Variants in CADM2 observed in about 807,000 individuals in gnomAD.
CADM2 encodes cell adhesion molecule 2, also known as immunoglobulin superfamily member 4D.
CADM2 carries 12 observed loss-of-function variants against 49.8 expected under a neutral mutation model. The ratio of observed to expected loss-of-function variants is 0.24; its 90% CI spans 0.15 to 0.39. The LOEUF (loss-of-function observed/expected upper bound fraction) is 0.39, where lower values mean the gene tolerates loss of function less well. Ranked by LOEUF, CADM2 falls within the 10% of genes least tolerant of loss-of-function variation. The probability of loss-of-function intolerance (pLI) is 1.00; values close to 1 mark genes in which losing one functional copy is unlikely to be tolerated. For synonymous variants in CADM2, 214 were observed against 175.4 expected (o/e 1.22, Z -1.74); for missense variants, 378 against 492.3 (o/e 0.77, Z 2.20).
intron 1 of CADM2, among the ~76,000 whole-genome samples, chr3:85,427,160 CTATATATATATATATATATA>C (rs35485915): frequency 0.46 from 52,955 of 113,932 alleles, 12,383 homozygotes; most frequent in East Asian, 0.73. Flanking sequence ...TGTATTGGAA[CTATATATATATATATATATA>C]TATATATATA....
intron 1 of CADM2, among the ~76,000 whole-genome samples, chr3:85,254,221 A>G (rs1158720404): frequency 6.6e-6 from 1 of 152,106 alleles, no homozygotes; most frequent in South Asian, 2.1e-4. Context: ...GAACAATCAG[A>G]TGGAAGAGAT....
At chr3:85,897,050 A>C (rs1715307017) in intron 5 of CADM2, among the ~76,000 whole-genome samples, 1 of 152,076 alleles carries the variant, frequency 6.6e-6, no homozygotes, top group South Asian at 2.1e-4. Context: ...ACTAATAAGC[A>C]AAGCATTAAT....
At chr3:85,598,097 T>G (rs1042627515) in intron 1 of CADM2, among the ~76,000 whole-genome samples, 6 of 152,006 alleles carry the variant, frequency 3.9e-5, no homozygotes, top group Non-Finnish European at 7.4e-5. Flanking sequence ...TCAGGAGACT[T>G]CAGACCGACA....
rs919094798 is a variant in CADM2, at chr3:85,584,541, A to G, written c.62-141981A>G. Among the ~76,000 whole-genome samples the G allele has an allele frequency of 2.4e-4, 37 of 152,088 alleles. 1 individual carries two copies. Among genetic ancestry groups the G allele is most frequent in the Non-Finnish European group, 7.4e-5 (5 of 68,012 alleles). ...GATAATTAAATTTCCCAAGTTTCCT[A>G]AAGATGTGACATTTAAGTTGCTACA... On this transcript the variant is annotated intron_variant, in intron 1 of 9. Coordinates refer to ENST00000383699, the MANE Select transcript of CADM2 (RefSeq NM_001167675.2).
chr3:85,367,833 ATGTGTG>A (rs10547677), intron 1 of CADM2, among the ~76,000 whole-genome samples: 26 of 148,078 alleles, frequency 1.8e-4, no homozygotes, highest in South Asian at 8.6e-4. Context: ...ATACATATAT[ATGTGTG>A]TGTGTGTGTG....
At chr3:86,024,662 C>A (rs916274086) in intron 8 of CADM2, among the ~76,000 whole-genome samples, 1 of 152,074 alleles carries the variant, frequency 6.6e-6, no homozygotes, top group Non-Finnish European at 1.5e-5. Flanking sequence ...TTACCAGATA[C>A]CAGCAAAACT....
At chr3:86,050,664 T>C (rs535598184) in intron 8 of CADM2, among the ~76,000 whole-genome samples, 1 of 152,326 alleles carries the variant, frequency 6.6e-6, no homozygotes, top group South Asian at 2.1e-4. Flanking sequence ...TTGCCCTCTG[T>C]GCACCTACAG....
chr3:85,397,809 G>T (rs571333792), intron 1 of CADM2, among the ~76,000 whole-genome samples: 1 of 152,198 alleles, frequency 6.6e-6, no homozygotes, highest in South Asian at 2.1e-4. Context: ...AATGGATAGT[G>T]GTGATGGTTT....
intron 1 of CADM2, among the ~76,000 whole-genome samples, chr3:85,555,998 TG>T (rs1003325058): frequency 1.3e-5 from 2 of 152,122 alleles, no homozygotes; most frequent in African/African-American, 4.8e-5. Flanking sequence ...TATGTAAAAT[TG>T]GCCCTTGAAG....
At chr3:85,398,922 A>T (rs181519322) in intron 1 of CADM2, among the ~76,000 whole-genome samples, 17 of 152,148 alleles carry the variant, frequency 1.1e-4, no homozygotes, top group African/African-American at 4.1e-4. Context: ...AGATGAGTAG[A>T]TTGCAAAAAT....
chr3:85,046,417 C>T (rs1376186718), intron 1 of CADM2, among the ~76,000 whole-genome samples: 3 of 150,776 alleles, frequency 2.0e-5, no homozygotes, highest in Non-Finnish European at 2.9e-5. Flanking sequence ...CAAAATCCCA[C>T]GGGGTCAATT....
chr3:85,139,352 A>G (rs1227647707), intron 1 of CADM2, among the ~76,000 whole-genome samples: 1 of 152,170 alleles, frequency 6.6e-6, no homozygotes, highest in African/African-American at 2.4e-5. Context: ...ATATCATTTG[A>G]GACAAAATAA....
chr3:85,392,624 C>T (rs1183414725), intron 1 of CADM2, among the ~76,000 whole-genome samples: 2 of 152,018 alleles, frequency 1.3e-5, no homozygotes, highest in Non-Finnish European at 2.9e-5. Flanking sequence ...GCACTCCCAG[C>T]CCCTTCAAGT....
chr3:85,021,651 T>G (rs1029539276), intron 1 of CADM2, among the ~76,000 whole-genome samples: 3 of 152,012 alleles, frequency 2.0e-5, no homozygotes, highest in Admixed American at 6.6e-5. Flanking sequence ...GGTGGGTGCT[T>G]GTAATCCCAG....
intron 8 of CADM2, among the ~76,000 whole-genome samples, chr3:85,978,944 A>C (rs1243125314): frequency 6.6e-6 from 1 of 151,448 alleles, no homozygotes; most frequent in Admixed American, 6.6e-5. Context: ...TAACCTGCTT[A>C]CTCTCAAACA....
At chr3:85,959,094 T>A (rs1403472329) in intron 7 of CADM2, among the ~76,000 whole-genome samples, 1 of 150,588 alleles carries the variant, frequency 6.6e-6, no homozygotes, top group Non-Finnish European at 1.5e-5. Context: ...ATCTATATCT[T>A]TATATCTGTA....
chr3:85,174,776 G>A (rs1178983607), intron 1 of CADM2, among the ~76,000 whole-genome samples: 3 of 152,010 alleles, frequency 2.0e-5, no homozygotes, highest in Non-Finnish European at 4.4e-5. Context: ...AAAGGAAAGG[G>A]GAAGATAGAA....
intron 1 of CADM2, among the ~76,000 whole-genome samples, chr3:85,040,305 G>A (rs1006075916): frequency 3.9e-5 from 6 of 152,084 alleles, no homozygotes; most frequent in African/African-American, 1.2e-4. Context: ...TAAATATGCC[G>A]TACTTGGAAG....
In CADM2 at chr3:86,073,370, A is replaced by G. The variant is rs1703385200; in HGVS notation, c.*6587A>G. The G allele has an allele frequency of 6.6e-6, 1 of 152,064 alleles. No homozygotes were observed. The highest frequency in any genetic ancestry group is 1.5e-5 in the Non-Finnish European group (1 of 67,922). 9.4% of individuals were successfully genotyped at this position (152,064 alleles called of 1,614,324 possible). A position where few individuals can be genotyped will look rare whatever the true frequency, so the allele number is the denominator to read the frequency against. The stretch of plus-strand genomic sequence containing the variant: ...CAACAAATTAACCATATAAGCACAG[A>G]AAATAGAGAAACACAGTTATTGAAT... On this transcript the variant is annotated 3_prime_UTR_variant, in exon 10 of 10. Coordinates refer to ENST00000383699, the MANE Select transcript of CADM2 (RefSeq NM_001167675.2).
Sources: allele counts gnomAD v4.1 joint callset (sites outside exome capture counted in the v4.1 genomes callset), GRCh38; gene constraint gnomAD v4.1.1; transcripts MANE v1.5; gene names NCBI Gene and HGNC (gene_info 2026-07-23, HGNC 2026-07-21).